G6PC2: variants seen among roughly 807,000 people sequenced by gnomAD.
The protein encoded by G6PC2 is glucose-6-phosphatase 2.
Under a neutral mutation model 35.4 loss-of-function variants are expected in G6PC2, and 41 were observed. That is an observed-to-expected ratio of 1.16 (90% confidence interval 0.90 to 1.50). The LOEUF (loss-of-function observed/expected upper bound fraction) is 1.50, where lower values mean the gene tolerates loss of function less well. G6PC2 is among the 40% of genes most tolerant of loss of function. The pLI, the probability that G6PC2 is intolerant of heterozygous loss-of-function variation, is 0.00. For missense variants in G6PC2, 441 were observed against 426.5 expected, an observed-to-expected ratio of 1.03 and a Z score of -0.30; for synonymous variants, 165 against 153.2, an observed-to-expected ratio of 1.08 and a Z score of -0.57.
intron 4 of G6PC2, 23 bp from the exon 5 acceptor site, chr2:168,907,545 C>T: frequency 6.2e-7 from 1 of 1,612,198 alleles, no homozygotes; most frequent in South Asian, 1.1e-5. Flanking sequence ...CAGTCATTGT[C>T]AGTGTCTCTT....
At chr2:168,901,896 C>T (rs573061232) in intron 1 of G6PC2, among the ~76,000 whole-genome samples, 5 of 152,068 alleles carry the variant, frequency 3.3e-5, no homozygotes, top group African/African-American at 1.2e-4. Context: ...GCCACCACAC[C>T]CAGCTAATTT....
chr2:168,905,218 C>G (rs1344132648), intron 3 of G6PC2, among the ~76,000 whole-genome samples: 1 of 152,162 alleles, frequency 6.6e-6, no homozygotes. Flanking sequence ...AGGTTACTCA[C>G]AGTTGCTTAG....
intron 1 of G6PC2, 22 bp downstream of exon 1, chr2:168,901,571 A>AT (rs1290576864): frequency 2.5e-6 from 3 of 1,192,746 alleles, no homozygotes; most frequent in East Asian, 4.7e-5. Context: ...GTTTTATTTC[A>AT]TTTTTTCCTA....
At chr2:168,901,732 TTTTTG>T (rs1250197356) in intron 1 of G6PC2, among the ~76,000 whole-genome samples, 183 bp downstream of exon 1, 1 of 86,464 alleles carries the variant, frequency 1.2e-5, no homozygotes, top group African/African-American at 6.1e-5. Context: ...TATATATATG[TTTTTG>T]TTTTTTTTTT....
chr2:168,906,029 T>C (rs778925605), intron 3 of G6PC2, among the ~76,000 whole-genome samples: 4 of 146,936 alleles, frequency 2.7e-5, no homozygotes, highest in Non-Finnish European at 5.9e-5. Context: ...TAATCCAAAG[T>C]GTATAACCTA....
intron 3 of G6PC2, among the ~76,000 whole-genome samples, chr2:168,905,602 T>G (rs1384727105): frequency 2.0e-5 from 3 of 152,214 alleles, no homozygotes; most frequent in Non-Finnish European, 2.9e-5. Context: ...ACAGACAATT[T>G]TCAAAGTAGG....
rs1376068786 is a variant in G6PC2, at chr2:168,909,795, T to A, written c.*1716T>A. The stretch of plus-strand genomic sequence containing the variant: ...GACATATTAAATAATCTATGAATAT[T>A]AATGAAAACAATACAGTTGAAGTGA... On this transcript the variant is annotated 3_prime_UTR_variant, in exon 5 of 5. Coordinates refer to ENST00000375363, the MANE Select transcript of G6PC2 (RefSeq NM_021176.3). 6.6e-6 allele frequency: 1 copy of A among 152,212 alleles called. No homozygotes were observed. The highest frequency in any genetic ancestry group is 1.9e-4 in the East Asian group (1 of 5,206). The allele number at this position is 152,212 out of a possible 1,614,324, so 9.4% of individuals were successfully genotyped here. A position where few individuals can be genotyped will look rare whatever the true frequency, so the allele number is the denominator to read the frequency against.
At chr2:168,906,579 G>A (rs1222463610) in intron 3 of G6PC2, 85 bp from the exon 4 acceptor site, 2 of 776,262 alleles carry the variant, frequency 2.6e-6, no homozygotes, top group African/African-American at 1.7e-5. Context: ...ATTCTTCTGA[G>A]AAGGATCATC....
At position 168,908,447 on chromosome 2, in the gene G6PC2, CA is replaced by C. The variant is rs769183844; in HGVS notation, c.*369del. ...TTTCTCACAGTCTTCAGCATCCCAG[CA>C]GGAGCCCCACTATGATTCCTTTATC... On this transcript the variant is annotated 3_prime_UTR_variant, in exon 5 of 5. Transcript: ENST00000375363. The C allele has an allele frequency of 6.4e-6, 2 of 312,780 alleles. No homozygotes were observed. The highest frequency in any genetic ancestry group is 1.2e-5 in the Non-Finnish European group (2 of 167,234). The allele number at this position is 312,780 out of a possible 1,614,324, so 19.4% of individuals were successfully genotyped here.
Position 168,907,980 on chromosome 2 carries a change from G to A in G6PC2, c.969G>A (p.Leu323=). 1 of 1,613,748 alleles carries A rather than the reference G, an allele frequency of 6.2e-7. No homozygotes were observed. Among genetic ancestry groups the A allele is most frequent in the Non-Finnish European group, 8.5e-7 (1 of 1,179,678 alleles). Residue 323 remains leucine, a synonymous_variant, in exon 5 of 5, where the codon CTG becomes CTA. Transcript: ENST00000375363. ...ACGAAGAGCATTTATTTTATGTGCT[G>A]TCTTTTTGTAAAAGTGCATCCATTC... is the stretch of plus-strand genomic sequence containing the variant. ...PTHEEHLFYV[L]SFCKSASIPL...
chr2:168,905,541 A>G (rs1189556864), intron 3 of G6PC2, among the ~76,000 whole-genome samples: 2 of 152,292 alleles, frequency 1.3e-5, no homozygotes, highest in Non-Finnish European at 2.9e-5. Flanking sequence ...CCAACCCAAA[A>G]CAACAACATA....
At position 168,907,754 on chromosome 2, in the gene G6PC2, G is replaced by A. The variant is rs1385007779; in HGVS notation, c.743G>A (p.Trp248Ter). ...IAKKWCANPD[W>*]IHIDTTPFAG... is the part of the protein sequence containing the mutation. ...AAAAAGTGGTGTGCTAACCCCGACT[G>A]GATCCACATTGACACCACGCCTTTT... The change falls in exon 5 of 5, where the codon TGG (tryptophan) becomes TAG (stop). Residue 248 changes from tryptophan to a stop codon, truncating the protein, a stop_gained. Coordinates refer to ENST00000375363, the MANE Select transcript of G6PC2 (RefSeq NM_021176.3). LOFTEE classifies it high-confidence loss of function. The A allele has an allele frequency of 6.2e-7, 1 of 1,613,950 alleles. No individual in the cohort carries two copies. The highest frequency in any genetic ancestry group is 1.1e-5 in the South Asian group (1 of 91,082).
Position 168,909,581 on chromosome 2 carries a change from T to C in G6PC2, c.*1502T>C, listed in dbSNP as rs1367139811. The C allele has an allele frequency of 6.6e-6, 1 of 152,202 alleles. No individual in the cohort carries two copies. Among genetic ancestry groups the C allele is most frequent in the Non-Finnish European group, 1.5e-5 (1 of 68,034 alleles). The allele number at this position is 152,202 out of a possible 1,614,324, so 9.4% of individuals were successfully genotyped here. A position where few individuals can be genotyped will look rare whatever the true frequency, so the allele number is the denominator to read the frequency against. On this transcript the variant is annotated 3_prime_UTR_variant, in exon 5 of 5. Transcript: ENST00000375363. ...TATTGTTGATGGACTATTAATATTATATTAACAATTTCTCAGTAAGTGTGT... is the reference window on the plus strand; with the variant it reads ...TATTGTTGATGGACTATTAATATTACATTAACAATTTCTCAGTAAGTGTGT...
chr2:168,903,627 AAAAG>A (rs200692639), intron 2 of G6PC2, among the ~76,000 whole-genome samples: 2 of 152,230 alleles, frequency 1.3e-5, no homozygotes, highest in Admixed American at 6.5e-5. Context: ...AGAGAGAGAG[AAAAG>A]AAAGAAAGAC....
chr2:168,903,097 C>G (rs1052764673), intron 2 of G6PC2: 3 of 153,486 alleles, frequency 2.0e-5, no homozygotes, highest in African/African-American at 7.2e-5. Flanking sequence ...GCTTCTTGGG[C>G]CACTTCTTTT....
rs756289993 is a variant in G6PC2 at position 168,907,879 on chromosome 2, C to G, written c.868C>G (p.Leu290Val). The change falls in exon 5 of 5, where the codon CTG becomes GTG. Residue 290 changes from leucine to valine, a missense_variant. By Grantham distance (32) the Leu-to-Val change is conservative. Coordinates refer to ENST00000375363, the MANE Select transcript of G6PC2 (RefSeq NM_021176.3). ...CTGCCGAGGGGGAAATAACTACACA[C>G]TGAGCTTCCGGTTGCTCTGTGCCTT... ...LSCRGGNNYT[L>V]SFRLLCALTS... is the part of the protein sequence containing the mutation. The G allele has an allele frequency of 2.0e-5, 32 of 1,613,826 alleles. No individual in the cohort carries two copies. The highest frequency in any genetic ancestry group is 1.6e-4 in the South Asian group (15 of 91,088).
At chr2:168,903,675 G>A (rs1351160709) in intron 2 of G6PC2, among the ~76,000 whole-genome samples, 1 of 152,106 alleles carries the variant, frequency 6.6e-6, no homozygotes, top group African/African-American at 2.4e-5. Flanking sequence ...ATTTTTTAAG[G>A]CATAGTTTTT....
chr2:168,903,894 C>A (rs1162306008), intron 2 of G6PC2, among the ~76,000 whole-genome samples: 1 of 152,068 alleles, frequency 6.6e-6, no homozygotes, highest in Non-Finnish European at 1.5e-5. Flanking sequence ...ATAGCTTCTC[C>A]TCATCCTCTG....
In G6PC2 at chr2:168,909,074, T is replaced by C. The variant is rs1054418442; in HGVS notation, c.*995T>C. Reference sequence around the variant, plus strand: ...AAATCAGTAAGAATGAATGCTTTCATTTAGATTCTATGATGACTGCCATAT... The same window carrying C: ...AAATCAGTAAGAATGAATGCTTTCACTTAGATTCTATGATGACTGCCATAT... On this transcript the variant is annotated 3_prime_UTR_variant, in exon 5 of 5. Coordinates refer to ENST00000375363, the MANE Select transcript of G6PC2 (RefSeq NM_021176.3). 6.6e-6 allele frequency: 1 copy of C among 152,198 alleles called. No individual in the cohort carries two copies. Among genetic ancestry groups the C allele is most frequent in the Non-Finnish European group, 1.5e-5 (1 of 68,034 alleles). 9.4% of individuals were successfully genotyped at this position (152,198 alleles called of 1,614,324 possible). A position where few individuals can be genotyped will look rare whatever the true frequency, so the allele number is the denominator to read the frequency against.
Sources: gnomAD v4.1 joint callset for allele counts (sites outside exome capture counted in the v4.1 genomes callset) on GRCh38, gnomAD v4.1.1 for gene constraint, MANE v1.5 for transcripts, NCBI Gene and HGNC (gene_info 2026-07-23, HGNC 2026-07-21) for gene names.